The following MEGF10 variants were observed in gnomAD, a reference collection of about 807,000 sequenced individuals.
The protein encoded by MEGF10 is multiple epidermal growth factor-like domains protein 10.
A neutral mutation model predicts 147.5 loss-of-function variants in MEGF10; 86 were observed. That is an observed-to-expected ratio of 0.58 (90% confidence interval 0.49 to 0.70). The LOEUF is 0.70. Among genes scored for constraint, MEGF10 ranks in the 30% least tolerant of loss-of-function variants. The probability of loss-of-function intolerance (pLI) is 0.00; values close to 1 mark genes in which losing one functional copy is unlikely to be tolerated. For missense variants in MEGF10, 1,329 were observed against 1,487.3 expected (o/e 0.89, Z 1.75); for synonymous variants, 478 against 525.5 (o/e 0.91, Z 1.24).
chr5:127,418,409 A>G (rs1363812812), intron 10 of MEGF10, among the ~76,000 whole-genome samples: 1 of 152,250 alleles, frequency 6.6e-6, no homozygotes, highest in Admixed American at 6.5e-5. Context: ...TAAAGAGCAC[A>G]TTGAACTATG....
chr5:127,417,715 G>A lies in MEGF10; in HGVS notation c.1208G>A (p.Gly403Glu), dbSNP rs533985154. Reference sequence around the variant, plus strand: ...TACTGTAATGAGACATGTTCTCCTGGATTCTACGGGGAAGCTTGCCAGCAG... The same window carrying A: ...TACTGTAATGAGACATGTTCTCCTGAATTCTACGGGGAAGCTTGCCAGCAG... ...GLYCNETCSP[G>E]FYGEACQQIC... is the part of the protein sequence containing the mutation. Residue 403 changes from glycine (G) to glutamate (E), a missense_variant, in exon 10 of 25, where the codon GGA becomes GAA. Coordinates refer to ENST00000503335, the MANE Select transcript of MEGF10 (RefSeq NM_001256545.2). The A allele has an allele frequency of 1.2e-6, 2 of 1,614,112 alleles. No individual in the cohort carries two copies. Among genetic ancestry groups the A allele is most frequent in the Admixed American group, 3.3e-5 (2 of 60,010 alleles).
At chr5:127,231,782 TG>T in the MEGF10 span, among the ~76,000 whole-genome samples, 1 of 152,184 alleles carries the variant, frequency 6.6e-6, no homozygotes, top group Admixed American at 6.5e-5. Context: ...ATGATATAGG[TG>T]TGTGACATAC....
chr5:127,443,394 G>T (rs914652472), intron 19 of MEGF10, among the ~76,000 whole-genome samples: 1 of 152,044 alleles, frequency 6.6e-6, no homozygotes. Flanking sequence ...CCAGATTTTT[G>T]TTATTCCAAA....
the MEGF10 span, among the ~76,000 whole-genome samples, chr5:127,283,651 G>T: frequency 6.6e-6 from 1 of 152,150 alleles, no homozygotes; most frequent in Non-Finnish European, 1.5e-5. Context: ...ATCCACGTAG[G>T]AGTTTGTTAA....
chr5:127,330,580 T>C (rs1178745303), intron 1 of MEGF10, among the ~76,000 whole-genome samples: 1 of 152,230 alleles, frequency 6.6e-6, no homozygotes, highest in African/African-American at 2.4e-5. Context: ...AACATCGACC[T>C]GCAAACAGCT....
chr5:127,234,761 T>C, the MEGF10 span, among the ~76,000 whole-genome samples: 1 of 152,164 alleles, frequency 6.6e-6, no homozygotes, highest in Non-Finnish European at 1.5e-5. Flanking sequence ...TTTCTTCTTC[T>C]CTCACTTTTT....
intron 6 of MEGF10, among the ~76,000 whole-genome samples, chr5:127,397,775 T>A (rs1763975316): frequency 6.6e-6 from 1 of 152,052 alleles, no homozygotes; most frequent in Non-Finnish European, 1.5e-5. Flanking sequence ...CTTGGAGCAA[T>A]TTCCCAGGAG....
chr5:127,408,816 C>T (rs1463145424), intron 8 of MEGF10, among the ~76,000 whole-genome samples: 1 of 152,152 alleles, frequency 6.6e-6, no homozygotes, highest in East Asian at 1.9e-4. Flanking sequence ...GTGGCTCATT[C>T]CTATAATCCC....
At chr5:127,335,977 G>T (rs1248721099) in intron 2 of MEGF10, among the ~76,000 whole-genome samples, 5 of 148,924 alleles carry the variant, frequency 3.4e-5, no homozygotes, top group Admixed American at 1.3e-4. Context: ...TGTTGAAAAG[G>T]CTTAGTACCT....
intron 13 of MEGF10, among the ~76,000 whole-genome samples, chr5:127,425,507 G>T (rs918089712): frequency 6.6e-6 from 1 of 152,122 alleles, no homozygotes; most frequent in African/African-American, 2.4e-5. Flanking sequence ...AGCCTGCTGT[G>T]AGGTCATCCC....
At chr5:127,400,967 C>T (rs1350429743) in intron 7 of MEGF10, among the ~76,000 whole-genome samples, 1 of 152,126 alleles carries the variant, frequency 6.6e-6, no homozygotes, top group Non-Finnish European at 1.5e-5. Flanking sequence ...AATATATATT[C>T]CTATAGACAC....
intron 1 of MEGF10, among the ~76,000 whole-genome samples, chr5:127,292,615 T>C (rs773348402): frequency 2.0e-5 from 3 of 152,114 alleles, no homozygotes; most frequent in Non-Finnish European, 4.4e-5. Flanking sequence ...GCACTTTCAG[T>C]TGGAAAAATA....
chr5:127,265,543 A>C, the MEGF10 span, among the ~76,000 whole-genome samples: 3 of 152,260 alleles, frequency 2.0e-5, no homozygotes, highest in East Asian at 1.9e-4. Flanking sequence ...CCAACAGTGT[A>C]AAAGTGTTCC....
intron 3 of MEGF10, 92 bp downstream of exon 3, chr5:127,339,313 C>A: frequency 2.3e-6 from 2 of 865,328 alleles, no homozygotes; most frequent in Non-Finnish European, 3.8e-6. Context: ...TGCATCCATT[C>A]ATTCAGTGAA....
At chr5:127,411,185 G>C (rs1764543898) in intron 9 of MEGF10, among the ~76,000 whole-genome samples, 1 of 152,154 alleles carries the variant, frequency 6.6e-6, no homozygotes, top group South Asian at 2.1e-4. Context: ...CCAAGAATTT[G>C]AGAACAGGAA....
the MEGF10 span, among the ~76,000 whole-genome samples, chr5:127,245,982 T>C: frequency 6.6e-6 from 1 of 152,172 alleles, no homozygotes; most frequent in Admixed American, 6.5e-5. Context: ...TGTGGAGTAA[T>C]AGGAATGCTT....
the MEGF10 span, among the ~76,000 whole-genome samples, chr5:127,267,486 CAG>C: frequency 6.6e-6 from 1 of 152,134 alleles, no homozygotes; most frequent in Non-Finnish European, 1.5e-5. Context: ...GGAATAGTTT[CAG>C]AAGGAATGGT....
chr5:127,304,334 C>T (rs1427529811), intron 1 of MEGF10, among the ~76,000 whole-genome samples: 1 of 152,166 alleles, frequency 6.6e-6, no homozygotes, highest in Non-Finnish European at 1.5e-5. Context: ...GACATCTAGT[C>T]TCCCTCTGGA....
At chr5:127,299,143 A>G (rs1759655432) in intron 1 of MEGF10, among the ~76,000 whole-genome samples, 1 of 152,210 alleles carries the variant, frequency 6.6e-6, no homozygotes, top group Admixed American at 6.5e-5. Flanking sequence ...ATCTGATTGC[A>G]GGATTTTATT....
Sources: allele counts gnomAD v4.1 joint callset (sites outside exome capture counted in the v4.1 genomes callset), GRCh38; gene constraint gnomAD v4.1.1; transcripts MANE v1.5; gene names NCBI Gene and HGNC (gene_info 2026-07-23, HGNC 2026-07-21).